HDGFL2: variants seen among roughly 807,000 people sequenced by gnomAD.
HDGFL2 encodes hepatoma-derived growth factor-related protein 2.
HDGFL2 carries 36 observed loss-of-function variants against 77.1 expected under a neutral mutation model. The ratio of observed to expected loss-of-function variants is 0.47; its 90% confidence interval spans 0.36 to 0.62. The LOEUF (loss-of-function observed/expected upper bound fraction) is 0.62, where lower values mean the gene tolerates loss of function less well. Ranked by LOEUF, HDGFL2 falls within the 20% of genes least tolerant of loss-of-function variation. HDGFL2 has a pLI of 0.00. For synonymous variants in HDGFL2, 463 were observed against 413.1 expected (o/e 1.12, Z -1.46); for missense variants, 976 against 973.4 (o/e 1.00, Z -0.04).
At chr19:4,494,758 A>G (rs1339179536) in intron 9 of HDGFL2, among the ~76,000 whole-genome samples, 1 of 152,042 alleles carries the variant, frequency 6.6e-6, no homozygotes, top group Non-Finnish European at 1.5e-5. Flanking sequence ...CTCTATAAAA[A>G]CCTTAAAAAA....
In HDGFL2 at chr19:4,493,725, C is replaced by G. The variant is rs1975613120; in HGVS notation, c.701C>G (p.Ser234Cys). Residue 234 changes from serine to cysteine, a missense_variant, in exon 7 of 16, where the codon TCC becomes TGC. By Grantham distance (112) the Ser-to-Cys change is moderately radical. Transcript: ENST00000616600. ...KKKKAPSASD[S>C]DSKADSDGAK... is the part of the protein sequence containing the mutation. ...CAGAAGGCGCCATCAGCCTCCGACT[C>G]CGACTCCAAGGCCGATTCGGACGGG... 6.7e-7 allele frequency: 1 copy of G among 1,488,304 alleles called. No individual in the cohort carries two copies. The highest frequency in any genetic ancestry group is 2.4e-5 in the Admixed American group (1 of 42,110). 92.2% of individuals were successfully genotyped at this position (1,488,304 alleles called of 1,614,324 possible).
At chr19:4,486,091 ATC>A (rs773566502) in intron 3 of HDGFL2, among the ~76,000 whole-genome samples, 1 of 151,004 alleles carries the variant, frequency 6.6e-6, no homozygotes, top group African/African-American at 2.4e-5. Context: ...CGAAAACTCA[ATC>A]TCTCTCTGTC....
intron 1 of HDGFL2, among the ~76,000 whole-genome samples, chr19:4,474,061 C>T (rs1458553066): frequency 6.6e-6 from 1 of 151,782 alleles, no homozygotes; most frequent in Non-Finnish European, 1.5e-5. Flanking sequence ...AGTTCCAGGC[C>T]CTGAGAGGTA....
Position 4,493,824 on chromosome 19 carries a change from A to G in HDGFL2, c.800A>G (p.Asp267Gly). 1 of 1,531,640 alleles carries G rather than the reference A, an allele frequency of 6.5e-7. No individual in the cohort carries two copies. The highest frequency in any genetic ancestry group is 8.8e-7 in the Non-Finnish European group (1 of 1,135,638). The allele number at this position is 1,531,640 out of a possible 1,614,324, so 94.9% of individuals were successfully genotyped here. A position where few individuals can be genotyped will look rare whatever the true frequency, so the allele number is the denominator to read the frequency against. Residue 267 changes from aspartate to glycine, a missense_variant, in exon 7 of 16, where the codon GAT (aspartate) becomes GGT (glycine). Coordinates refer to ENST00000616600, the MANE Select transcript of HDGFL2 (RefSeq NM_001001520.3). Reference protein sequence around the residue: ...SSSSSSSSDSDVSVKKPPRGR... With the variant: ...SSSSSSSSDSGVSVKKPPRGR... ...TCTTCCTCCTCCTCCTCCGACTCCG[A>G]TGTGTCTGTGAAGAAGCCTCCGAGG...
At chr19:4,500,562 G>A (rs561083610) in intron 14 of HDGFL2, among the ~76,000 whole-genome samples, 8 of 144,660 alleles carry the variant, frequency 5.5e-5, no homozygotes, top group African/African-American at 1.8e-4. Context: ...CTGGGTTCAC[G>A]CCATTCTCCT....
At position 4,494,153 on chromosome 19, in the gene HDGFL2, C is replaced by T. The variant is rs1169848141; in HGVS notation, c.915-13C>T. 2.7e-6 allele frequency: 4 copies of T among 1,490,380 alleles called. No individual in the cohort carries two copies. Among genetic ancestry groups the T allele is most frequent in the African/African-American group, 1.4e-5 (1 of 70,244 alleles). 92.3% of individuals were successfully genotyped at this position (1,490,380 alleles called of 1,614,324 possible). On this transcript the variant is annotated splice_polypyrimidine_tract_variant and intron_variant, in intron 8 of 15. Coordinates refer to ENST00000616600, the MANE Select transcript of HDGFL2 (RefSeq NM_001001520.3). ...GAGGAACGGAGGTCCCCAACCGCCCCCTCCGCCTCCAGTGACAGCGACGAG... is the reference window on the plus strand; with the variant it reads ...GAGGAACGGAGGTCCCCAACCGCCCTCTCCGCCTCCAGTGACAGCGACGAG...
At chr19:4,493,922 G>A (rs1251258058) in intron 7 of HDGFL2, 60 bp downstream of exon 7, 5 of 1,543,922 alleles carry the variant, frequency 3.2e-6, no homozygotes, top group African/African-American at 2.7e-5. Context: ...CTCCCAGGCA[G>A]TCCCCTGGTC....
In HDGFL2 at chr19:4,499,585, C is replaced by A. The variant is rs766145902; in HGVS notation, c.1670C>A (p.Ala557Glu). Residue 557 changes from alanine to glutamate, a missense_variant, in exon 14 of 16, where the codon GCG (alanine) becomes GAG (glutamate). Physicochemically the swap from Ala to Glu is moderately radical, Grantham distance 107. Around this residue, in one of 5 missense-constraint regions of HDGFL2, gnomAD observed 229 missense variants for 187.3 expected, o/e 1.22. Coordinates refer to ENST00000616600, the MANE Select transcript of HDGFL2 (RefSeq NM_001001520.3). ...KSRVLGPKIE[A>E]VQKVNKAGME... ...CGGGTCCTCGGCCCAAAGATCGAGG[C>A]GGTGCAGAAAGTGAACAAGGCTGGG... is the stretch of plus-strand genomic sequence containing the variant. The A allele has an allele frequency of 8.1e-6, 13 of 1,611,830 alleles. No individual in the cohort carries two copies. Among genetic ancestry groups the A allele is most frequent in the Middle Eastern group, 1.6e-4 (1 of 6,082 alleles).
intron 3 of HDGFL2, among the ~76,000 whole-genome samples, chr19:4,481,900 A>G (rs1258937641): frequency 6.6e-6 from 1 of 152,086 alleles, no homozygotes; most frequent in Admixed American, 6.6e-5. Context: ...AGAGAGGCAA[A>G]GCTGGATTTG....
At chr19:4,499,742 C>T in intron 14 of HDGFL2, 38 bp downstream of exon 14, 2 of 1,433,470 alleles carry the variant, frequency 1.4e-6, no homozygotes, top group Non-Finnish European at 1.9e-6. Flanking sequence ...ACCTCAGTCT[C>T]CTCAGCTGAA....
intron 1 of HDGFL2, among the ~76,000 whole-genome samples, chr19:4,473,386 G>A (rs1457474120): frequency 6.6e-6 from 1 of 151,504 alleles, no homozygotes; most frequent in African/African-American, 2.4e-5. Flanking sequence ...GGGTGTCCAG[G>A]GTGCCTCAGG....
intron 10 of HDGFL2, chr19:4,496,960 G>A (rs1219780578): frequency 3.1e-5 from 12 of 382,446 alleles, no homozygotes; most frequent in African/African-American, 6.5e-5. Flanking sequence ...TGCAACCTCC[G>A]CCTCCCGGGT....
chr19:4,489,866 A>T (rs192434403), intron 4 of HDGFL2, among the ~76,000 whole-genome samples: 7 of 152,142 alleles, frequency 4.6e-5, no homozygotes, highest in Non-Finnish European at 8.8e-5. Flanking sequence ...GATTTCCGTC[A>T]CCCCAAAAAG....
At chr19:4,484,336 G>A (rs1319827319) in intron 3 of HDGFL2, among the ~76,000 whole-genome samples, 7 of 151,504 alleles carry the variant, frequency 4.6e-5, no homozygotes, top group African/African-American at 9.7e-5. Flanking sequence ...CACCTGCCTC[G>A]GCCTACCAAA....
intron 3 of HDGFL2, among the ~76,000 whole-genome samples, chr19:4,480,577 G>C (rs568836203): frequency 1.3e-5 from 2 of 152,192 alleles, no homozygotes; most frequent in Admixed American, 1.3e-4. Flanking sequence ...AAATTAGCTG[G>C]GCATGGCGGT....
intron 3 of HDGFL2, among the ~76,000 whole-genome samples, chr19:4,478,079 C>CA (rs1160351990): frequency 0.053 from 4,134 of 78,382 alleles, 114 homozygotes; most frequent in Non-Finnish European, 0.067. Flanking sequence ...GACTCTGTCT[C>CA]AAAAAAAAAA....
At chr19:4,488,087 C>T (rs1364179016) in intron 3 of HDGFL2, among the ~76,000 whole-genome samples, 1 of 152,080 alleles carries the variant, frequency 6.6e-6, no homozygotes, top group Non-Finnish European at 1.5e-5. Context: ...TCTCCTGCCT[C>T]GGCCTCCTGA....
chr19:4,482,094 G>A (rs1185297606), intron 3 of HDGFL2, among the ~76,000 whole-genome samples: 2 of 139,610 alleles, frequency 1.4e-5, no homozygotes, highest in African/African-American at 2.7e-5. Context: ...GTGCAGTGGC[G>A]CGATCTCGGT....
At chr19:4,492,772 TCTATG>T (rs1235884608) in intron 6 of HDGFL2, among the ~76,000 whole-genome samples, 1 of 146,274 alleles carries the variant, frequency 6.8e-6, no homozygotes, top group African/African-American at 2.6e-5. Flanking sequence ...TGTGTCTGTG[TCTATG>T]GTGTGTCTGG....
Sources: gnomAD v4.1 joint callset for allele counts (sites outside exome capture counted in the v4.1 genomes callset) on GRCh38, gnomAD v4.1.1 for gene constraint, gnomAD v4.1.1 regional missense constraint, MANE v1.5 for transcripts, NCBI Gene and HGNC (gene_info 2026-07-23, HGNC 2026-07-21) for gene names.